NIBAN1: variants seen among roughly 807,000 people sequenced by gnomAD.
NIBAN1 encodes the protein protein Niban 1.
Under a neutral mutation model 75.1 loss-of-function variants are expected in NIBAN1, and 81 were observed. The observed-to-expected ratio is 1.08, with a 90% CI of 0.90 to 1.30. The LOEUF (loss-of-function observed/expected upper bound fraction) is 1.30. Ranked by LOEUF, NIBAN1 falls within the 50% of genes most tolerant of loss-of-function variation. NIBAN1 has a pLI of 0.00. For synonymous variants in NIBAN1, 436 were observed against 424.8 expected (o/e 1.03, Z -0.32); for missense variants, 1,133 against 1,128.1 (o/e 1.00, Z -0.06).
intron 9 of NIBAN1, among the ~76,000 whole-genome samples, chr1:184,812,863 C>G (rs1490571361): frequency 6.6e-6 from 1 of 152,220 alleles, no homozygotes; most frequent in South Asian, 2.1e-4. Flanking sequence ...CTGCATGACC[C>G]TGTCTAGTCT....
intron 1 of NIBAN1, among the ~76,000 whole-genome samples, chr1:184,957,724 T>C (rs913153007): frequency 1.3e-5 from 2 of 152,198 alleles, no homozygotes; most frequent in African/African-American, 4.8e-5. Flanking sequence ...CTCATTTTCA[T>C]AGGAGAAACT....
At chr1:184,933,372 T>C (rs1657875008) in intron 1 of NIBAN1, among the ~76,000 whole-genome samples, 1 of 152,224 alleles carries the variant, frequency 6.6e-6, no homozygotes, top group Non-Finnish European at 1.5e-5. Flanking sequence ...TGACCTATCT[T>C]AATTGCTACA....
chr1:184,796,035 T>G lies in NIBAN1; in HGVS notation c.1729A>C (p.Ser577Arg). Residue 577 changes from serine to arginine, a missense_variant, in exon 14 of 14, where the codon AGT (serine) becomes CGT (arginine). Coordinates refer to ENST00000367511, the MANE Select transcript of NIBAN1 (RefSeq NM_052966.4). ...TCTGTTAAGCTGGACACACTTTCAC[T>G]GGGCAAGGCCATGTTATCTTCAAAT... ...NLFEDNMALP[S>R]ESVSSLTDLK... The G allele has an allele frequency of 2.5e-6, 4 of 1,604,152 alleles. No homozygotes were observed. Among genetic ancestry groups the G allele is most frequent in the Non-Finnish European group, 3.4e-6 (4 of 1,176,818 alleles).
chr1:184,929,892 C>G lies in NIBAN1; in HGVS notation c.56-30583G>C, dbSNP rs551306507. On this transcript the variant is annotated intron_variant, in intron 1 of 13. Coordinates refer to ENST00000367511, the MANE Select transcript of NIBAN1 (RefSeq NM_052966.4). Reference sequence around the variant, plus strand: ...TGCTGTAAACATCACATTTCATCATCTAACCAACTGTAAGCCTGCAACTAG... The same window carrying G: ...TGCTGTAAACATCACATTTCATCATGTAACCAACTGTAAGCCTGCAACTAG... Among the ~76,000 whole-genome samples, 33 of 152,332 alleles carry G rather than the reference C, an allele frequency of 2.2e-4. 1 individual carries two copies. In the South Asian group the frequency reaches 6.4e-3, roughly 30 times the overall value.
chr1:184,811,051 A>C (rs1654363106), intron 9 of NIBAN1, among the ~76,000 whole-genome samples: 1 of 152,186 alleles, frequency 6.6e-6, no homozygotes, highest in African/African-American at 2.4e-5. Context: ...TCTTCGAGCA[A>C]GTTTCTGATC....
intron 5 of NIBAN1, among the ~76,000 whole-genome samples, chr1:184,865,422 A>T (rs1196001122): frequency 6.6e-6 from 1 of 152,176 alleles, no homozygotes; most frequent in Non-Finnish European, 1.5e-5. Context: ...ACCAATGGAC[A>T]TATAGATGGC....
At chr1:184,808,907 T>C (rs1044763640) in intron 9 of NIBAN1, among the ~76,000 whole-genome samples, 1 of 152,230 alleles carries the variant, frequency 6.6e-6, no homozygotes, top group African/African-American at 2.4e-5. Context: ...GCTAAAGCCC[T>C]AAAGTGTTAT....
chr1:184,791,209 T>C lies in NIBAN1; in HGVS notation c.*3768A>G. The stretch of plus-strand genomic sequence containing the variant: ...AACCCTCAAACCCGTCTCTTTATGG[T>C]AAAGTGTGAAGGCACATGTTGCCAA... On this transcript the variant is annotated 3_prime_UTR_variant, in exon 14 of 14. Coordinates refer to ENST00000367511, the MANE Select transcript of NIBAN1 (RefSeq NM_052966.4). The C allele has an allele frequency of 2.8e-6, 1 of 353,880 alleles. No individual in the cohort carries two copies. Among genetic ancestry groups the C allele is most frequent in the Non-Finnish European group, 5.6e-6 (1 of 179,442 alleles). The allele number at this position is 353,880 out of a possible 1,614,324, so 21.9% of individuals were successfully genotyped here. A position where few individuals can be genotyped will look rare whatever the true frequency, so the allele number is the denominator to read the frequency against.
Position 184,803,631 on chromosome 1 carries a change from A to G in NIBAN1, c.1508T>C (p.Ile503Thr). Residue 503 changes from isoleucine (I) to threonine (T), a missense_variant, in exon 12 of 14, where the codon ATC becomes ACC. Coordinates refer to ENST00000367511, the MANE Select transcript of NIBAN1 (RefSeq NM_052966.4). ...TGCCTTCTGCACAGTGGGAAGTGTG[A>G]TTTGAACTAGTGCCTCTTGAAATAT... ...KKIFQEALVQ[I>T]TLPTVQKALA... The G allele has an allele frequency of 6.2e-7, 1 of 1,614,178 alleles. No homozygotes were observed. Among genetic ancestry groups the G allele is most frequent in the East Asian group, 2.2e-5 (1 of 44,884 alleles).
chr1:184,941,734 C>G (rs1658093575), intron 1 of NIBAN1, among the ~76,000 whole-genome samples: 1 of 150,588 alleles, frequency 6.6e-6, no homozygotes, highest in Non-Finnish European at 1.5e-5. Context: ...GGAAGCATAA[C>G]ACATGTATTT....
chr1:184,823,556 C>A (rs893571228), intron 7 of NIBAN1, 82 bp downstream of exon 7: 1 of 1,482,714 alleles, frequency 6.7e-7, no homozygotes, highest in Admixed American at 1.7e-5. Flanking sequence ...ATATCAACAA[C>A]AACAACAAAT....
chr1:184,964,149 G>A (rs1308749247), intron 1 of NIBAN1, among the ~76,000 whole-genome samples: 1 of 152,168 alleles, frequency 6.6e-6, no homozygotes, highest in Non-Finnish European at 1.5e-5. Flanking sequence ...ATAGTTTGCA[G>A]GAATGAGAAT....
intron 1 of NIBAN1, among the ~76,000 whole-genome samples, chr1:184,961,444 AC>A (rs1177431790): frequency 6.6e-6 from 1 of 152,108 alleles, no homozygotes; most frequent in Non-Finnish European, 1.5e-5. Flanking sequence ...CCTTCTGAAT[AC>A]CACAGCCAAG....
At chr1:184,863,505 T>A in intron 5 of NIBAN1, among the ~76,000 whole-genome samples, 1 of 152,224 alleles carries the variant, frequency 6.6e-6, no homozygotes, top group Admixed American at 6.5e-5. Flanking sequence ...TATTTTCAAT[T>A]AAATAAAATT....
intron 9 of NIBAN1, among the ~76,000 whole-genome samples, chr1:184,808,509 A>G (rs370923026): frequency 6.6e-6 from 1 of 152,264 alleles, no homozygotes; most frequent in East Asian, 1.9e-4. Flanking sequence ...CAGTCTTTGT[A>G]AGCTGTTGAT....
chr1:184,811,502 T>TTTTTTTTTTTGTTTTTTTTTTG (rs571605097), intron 9 of NIBAN1, among the ~76,000 whole-genome samples: 1 of 126,484 alleles, frequency 7.9e-6, no homozygotes, highest in Admixed American at 8.2e-5. Flanking sequence ...ACTTTCTTCC[T>TTTTTTTTTTTGTTTTTTTTTTG]TTTTTTTTTT....
intron 5 of NIBAN1, among the ~76,000 whole-genome samples, chr1:184,863,311 C>A (rs1655866382): frequency 6.6e-6 from 1 of 152,170 alleles, no homozygotes; most frequent in Admixed American, 6.5e-5. Context: ...TTCTGGCAGA[C>A]ACAGAACTGA....
intron 1 of NIBAN1, among the ~76,000 whole-genome samples, chr1:184,919,895 A>G (rs1304645820): frequency 6.6e-6 from 1 of 151,462 alleles, no homozygotes; most frequent in Non-Finnish European, 1.5e-5. Flanking sequence ...TTCAAGCAGA[A>G]GAAATTTCCT....
At chr1:184,800,929 A>G (rs1357163501) in intron 12 of NIBAN1, among the ~76,000 whole-genome samples, 1 of 152,196 alleles carries the variant, frequency 6.6e-6, no homozygotes, top group Non-Finnish European at 1.5e-5. Flanking sequence ...CCTGACATTC[A>G]TTGATTCCTT....
Sources: allele counts gnomAD v4.1 joint callset (sites outside exome capture counted in the v4.1 genomes callset), GRCh38; gene constraint gnomAD v4.1.1; transcripts MANE v1.5; gene names NCBI Gene and HGNC (gene_info 2026-07-23, HGNC 2026-07-21).